The following OSBPL9 variants were observed in gnomAD, a reference collection of about 807,000 sequenced individuals.
The protein encoded by OSBPL9 is oxysterol binding protein like 9.
In OSBPL9, 40 loss-of-function variants were observed where a neutral mutation model predicts 106.6. The observed-to-expected ratio is 0.38, with a 90% CI of 0.29 to 0.49. OSBPL9 has a LOEUF of 0.49. Among genes scored for constraint, OSBPL9 ranks in the 20% least tolerant of loss-of-function variants. The probability of loss-of-function intolerance (pLI) is 0.97; values close to 1 mark genes in which losing one functional copy is unlikely to be tolerated. For missense variants in OSBPL9, 609 were observed against 887.2 expected, an observed-to-expected ratio of 0.69 and a Z score of 3.98; for synonymous variants, 269 against 295.4, an observed-to-expected ratio of 0.91 and a Z score of 0.92.
At chr1:51,544,674 G>C in the OSBPL9 span, among the ~76,000 whole-genome samples, 1 of 151,742 alleles carries the variant, frequency 6.6e-6, no homozygotes, top group African/African-American at 2.4e-5. Context: ...CCTATTCAAT[G>C]GAAAGCAGAA....
chr1:51,686,126 A>G (rs981187740), intron 3 of OSBPL9, among the ~76,000 whole-genome samples: 1 of 152,214 alleles, frequency 6.6e-6, no homozygotes, highest in Non-Finnish European at 1.5e-5. Context: ...TTATTATGAT[A>G]TAGAAGTGAG....
At chr1:51,705,862 A>G (rs1227955227) in intron 3 of OSBPL9, among the ~76,000 whole-genome samples, 2 of 152,148 alleles carry the variant, frequency 1.3e-5, no homozygotes, top group East Asian at 3.8e-4. Flanking sequence ...TGATCTATTA[A>G]TTTTTTAAGG....
chr1:51,541,381 C>T, the OSBPL9 span, among the ~76,000 whole-genome samples: 1 of 152,206 alleles, frequency 6.6e-6, no homozygotes, highest in Non-Finnish European at 1.5e-5. Flanking sequence ...ATCATCTACA[C>T]TCCATCTCCT....
intron 3 of OSBPL9, among the ~76,000 whole-genome samples, chr1:51,692,855 G>C (rs1271324902): frequency 1.3e-5 from 2 of 151,882 alleles, no homozygotes; most frequent in African/African-American, 2.4e-5. Flanking sequence ...AAATGTCATT[G>C]CAGTCCATGA....
At chr1:51,743,677 T>G (rs887084237) in intron 4 of OSBPL9, among the ~76,000 whole-genome samples, 1 of 152,214 alleles carries the variant, frequency 6.6e-6, no homozygotes, top group African/African-American at 2.4e-5. Flanking sequence ...TCTTGATAGT[T>G]AATTATTGAT....
At chr1:51,771,943 C>G (rs1427852179) in intron 12 of OSBPL9, 127 bp from the exon 13 acceptor site, 1 of 644,368 alleles carries the variant, frequency 1.6e-6, no homozygotes, top group Non-Finnish European at 2.7e-6. Context: ...AGACAAGAGA[C>G]CTTGTCATCA....
At chr1:51,620,512 G>A (rs1644359263) in intron 1 of OSBPL9, among the ~76,000 whole-genome samples, 1 of 152,194 alleles carries the variant, frequency 6.6e-6, no homozygotes, top group Non-Finnish European at 1.5e-5. Flanking sequence ...TGAAGGGTTA[G>A]GAAAGGTTTC....
chr1:51,614,384 G>A (rs1297694825), upstream of OSBPL9: 1 of 152,216 alleles, frequency 6.6e-6, no homozygotes, highest in Non-Finnish European at 1.5e-5. Context: ...GACCTCCTGG[G>A]CTCAAGCAAT....
chr1:51,752,577 A>G (rs1336433438), intron 8 of OSBPL9: 1 of 455,134 alleles, frequency 2.2e-6, no homozygotes, highest in Non-Finnish European at 4.4e-6. Flanking sequence ...ACAAAATACC[A>G]TAGACTGGGT....
At chr1:51,663,854 G>C (rs1166383082) in intron 2 of OSBPL9, among the ~76,000 whole-genome samples, 1 of 152,192 alleles carries the variant, frequency 6.6e-6, no homozygotes, top group East Asian at 1.9e-4. Context: ...TTTCACAAAA[G>C]AGGATCTTCA....
intron 1 of OSBPL9, among the ~76,000 whole-genome samples, chr1:51,634,841 A>G (rs1361367562): frequency 2.6e-5 from 4 of 152,246 alleles, no homozygotes; most frequent in Non-Finnish European, 5.9e-5. Flanking sequence ...GGCGAAAAGC[A>G]TGTCTTACGC....
At chr1:51,654,998 G>A (rs907909789) in intron 2 of OSBPL9, among the ~76,000 whole-genome samples, 45 of 152,300 alleles carry the variant, frequency 3.0e-4, no homozygotes, top group Admixed American at 1.3e-3. Flanking sequence ...GGATGGTGAT[G>A]ATGGTGATCA....
intron 1 of OSBPL9, among the ~76,000 whole-genome samples, chr1:51,648,579 G>T (rs1487252698): frequency 2.0e-5 from 3 of 152,118 alleles, no homozygotes; most frequent in African/African-American, 7.2e-5. Flanking sequence ...CTATAGCCCC[G>T]CATTAAAGCT....
intron 1 of OSBPL9, among the ~76,000 whole-genome samples, chr1:51,630,385 T>G (rs1414230436): frequency 1.3e-5 from 2 of 152,112 alleles, no homozygotes; most frequent in African/African-American, 4.8e-5. Context: ...AAGTGCCATA[T>G]TTTCTGGGTT....
intron 3 of OSBPL9, among the ~76,000 whole-genome samples, chr1:51,680,177 C>G (rs898614380): frequency 6.6e-6 from 1 of 152,002 alleles, no homozygotes; most frequent in Non-Finnish European, 1.5e-5. Flanking sequence ...ACCACTTGAA[C>G]CCGGGAGGCA....
At position 51,785,951 on chromosome 1, in the gene OSBPL9, G is replaced by A. The variant is rs148522072; in HGVS notation, c.1908+65G>A. On this transcript the variant is annotated intron_variant, in intron 21 of 23. Coordinates refer to ENST00000428468, the MANE Select transcript of OSBPL9 (RefSeq NM_024586.6). ...AGATTGTACTCTATCCCTTTTTCTGGCTTCCTTCATTAGTACTTCCTTCAT... is the reference window on the plus strand; with the variant it reads ...AGATTGTACTCTATCCCTTTTTCTGACTTCCTTCATTAGTACTTCCTTCAT... The A allele has an allele frequency of 3.7e-4, 501 of 1,355,832 alleles. 4 individuals are homozygous for A. In the East Asian group the frequency reaches 0.011, roughly 31 times the overall value. The allele number at this position is 1,355,832 out of a possible 1,614,324, so 84.0% of individuals were successfully genotyped here.
chr1:51,776,472 A>G lies in OSBPL9; in HGVS notation c.1171-361A>G, dbSNP rs80157393. ...ATAATATGTATGTAATATACAAATA[A>G]TAAAATAATGTATATGTAATGTCCA... On this transcript the variant is annotated intron_variant, in intron 14 of 23. Coordinates refer to ENST00000428468, the MANE Select transcript of OSBPL9 (RefSeq NM_024586.6). Among the ~76,000 whole-genome samples, 341 of 152,370 alleles carry G rather than the reference A, an allele frequency of 2.2e-3. 2 individuals are homozygous for G. The highest frequency in any genetic ancestry group is 7.8e-3 in the African/African-American group (324 of 41,590).
chr1:51,622,942 T>C (rs1644532192), intron 1 of OSBPL9, among the ~76,000 whole-genome samples: 1 of 152,148 alleles, frequency 6.6e-6, no homozygotes, highest in African/African-American at 2.4e-5. Context: ...ATTTAAGGGA[T>C]TGGCAGAGGA....
At chr1:51,722,168 T>TAGATAGAC (rs1297363445) in intron 4 of OSBPL9, among the ~76,000 whole-genome samples, 3 of 145,950 alleles carry the variant, frequency 2.1e-5, no homozygotes, top group African/African-American at 2.7e-5. Flanking sequence ...AATAAATAGA[T>TAGATAGAC]AGATAGATAG....
Sources: gnomAD v4.1 joint callset for allele counts (sites outside exome capture counted in the v4.1 genomes callset) on GRCh38, gnomAD v4.1.1 for gene constraint, MANE v1.5 for transcripts, NCBI Gene and HGNC (gene_info 2026-07-23, HGNC 2026-07-21) for gene names.